The following CACNA2D4 variants were observed in gnomAD, a reference collection of about 807,000 sequenced individuals.
CACNA2D4 encodes calcium voltage-gated channel auxiliary subunit alpha2delta 4, also known as voltage-dependent calcium channel subunit alpha-2/delta-4.
Under a neutral mutation model 163.8 loss-of-function variants are expected in CACNA2D4, and 157 were observed. The ratio of observed to expected loss-of-function variants is 0.96; its 90% CI spans 0.84 to 1.09. The LOEUF is 1.09. CACNA2D4 is among the 50% of genes least tolerant of loss of function. The pLI is 0.00. For synonymous variants in CACNA2D4, 598 were observed against 586.9 expected (o/e 1.02, Z -0.27); for missense variants, 1,410 against 1,479.9 (o/e 0.95, Z 0.78).
chr12:1,823,437 A>G (rs1212457531), intron 26 of CACNA2D4, among the ~76,000 whole-genome samples: 3 of 151,988 alleles, frequency 2.0e-5, no homozygotes, highest in Non-Finnish European at 4.4e-5. Context: ...CCGTGCTCTG[A>G]GGGGGCCGAG....
chr12:1,806,931 T>C lies in CACNA2D4; in HGVS notation c.2721+3347A>G, dbSNP rs920248014. ...TGTGGCCCTCGATGGCACTTGTGTG[T>C]TTGGGGAAGAGGGGCAGGTTTGGGT... On this transcript the variant is annotated intron_variant, in intron 29 of 37. Transcript: ENST00000382722. This position sits in a 1 kb window ranked among gnomAD's most constrained non-coding sequence, Gnocchi z 4.1. 6.6e-6 allele frequency among the ~76,000 whole-genome samples: 1 copy of C among 151,906 alleles called. No homozygotes were observed. Among genetic ancestry groups the C allele is most frequent in the Non-Finnish European group, 1.5e-5 (1 of 67,988 alleles).
At position 1,829,121 on chromosome 12, in the gene CACNA2D4, T is replaced by C. The variant is rs1428292829; in HGVS notation, c.2551+11618A>G. Among the ~76,000 whole-genome samples, 1 of 152,136 alleles carries C rather than the reference T, an allele frequency of 6.6e-6. No individual in the cohort carries two copies. Among genetic ancestry groups the C allele is most frequent in the African/African-American group, 2.4e-5 (1 of 41,418 alleles). On this transcript the variant is annotated intron_variant, in intron 26 of 37. Transcript: ENST00000382722. This position sits in a 1 kb window ranked among gnomAD's most constrained non-coding sequence, Gnocchi z 4.2. ...CAACACCTCGCAATACGGGCTTATG[T>C]TTTCTTGTCACTGGAGCTTTTATGC...
At chr12:1,811,784 G>A (rs570973566) in intron 26 of CACNA2D4, 61 bp from the exon 27 acceptor site, 2 of 1,504,784 alleles carry the variant, frequency 1.3e-6, no homozygotes, top group East Asian at 2.5e-5. Context: ...AAAAAATAGA[G>A]TCAAGTTAAA....
intron 6 of CACNA2D4, among the ~76,000 whole-genome samples, chr12:1,904,842 A>C (rs1258861270): frequency 6.6e-6 from 1 of 152,124 alleles, no homozygotes; most frequent in Non-Finnish European, 1.5e-5. Flanking sequence ...TGATGGACAA[A>C]AAAGCTTAAG....
intron 26 of CACNA2D4, among the ~76,000 whole-genome samples, chr12:1,813,333 G>A (rs1343374415): frequency 6.6e-6 from 1 of 152,054 alleles, no homozygotes; most frequent in Non-Finnish European, 1.5e-5. Context: ...GTTCCCAGGG[G>A]TTGCCGATGC....
intron 26 of CACNA2D4, chr12:1,827,998 C>T (rs905635501): frequency 1.6e-5 from 9 of 555,022 alleles, no homozygotes; most frequent in Admixed American, 3.7e-5. Context: ...TAAAGAGACA[C>T]CCGGGCCCTC....
intron 6 of CACNA2D4, among the ~76,000 whole-genome samples, chr12:1,904,099 T>C (rs1866600083): frequency 6.6e-6 from 1 of 152,100 alleles, no homozygotes; most frequent in South Asian, 2.1e-4. Context: ...GAGGCCACTA[T>C]GTTAAGTGAA....
rs1866141380 is a variant in CACNA2D4 at position 1,886,242 on chromosome 12, T to C, written c.974A>G (p.Asp325Gly). ...TTILDTLGEN[D>G]FINIIAYNDY... ...ATTTACCGCTATGATATTAATGAAG[T>C]CATTCTCCCCCAGGGTGTCCAAGAT... The change falls in exon 8 of 38, where the codon GAC becomes GGC. Residue 325 changes from aspartate to glycine, a missense_variant. By Grantham distance (94) the Asp-to-Gly change is moderately conservative. Transcript: ENST00000382722. 1 of 1,613,316 alleles carries C rather than the reference T, an allele frequency of 6.2e-7. No individual in the cohort carries two copies. The highest frequency in any genetic ancestry group is 1.1e-5 in the South Asian group (1 of 91,056).
chr12:1,911,989 G>C (rs542984068), intron 3 of CACNA2D4, among the ~76,000 whole-genome samples: 1 of 152,332 alleles, frequency 6.6e-6, no homozygotes, highest in South Asian at 2.1e-4. Flanking sequence ...CTGATGCTAA[G>C]ATCCCTTGCC....
In CACNA2D4 at chr12:1,829,242, C is replaced by A. The variant is rs544113805; in HGVS notation, c.2551+11497G>T. On this transcript the variant is annotated intron_variant, in intron 26 of 37. Transcript: ENST00000382722. This position sits in a 1 kb window ranked among gnomAD's most constrained non-coding sequence, Gnocchi z 4.2. ...CAGGCCCTTCTCTGGGAGGGGCGAG[C>A]GGCTTCTGGTGATGCAGATCCTTTT... 1.3e-5 allele frequency among the ~76,000 whole-genome samples: 2 copies of A among 152,194 alleles called. No individual in the cohort carries two copies. The highest frequency in any genetic ancestry group is 2.9e-5 in the Non-Finnish European group (2 of 68,038).
chr12:1,833,816 G>A lies in CACNA2D4; in HGVS notation c.2551+6923C>T, dbSNP rs994815818. ...AAGGATAAGATGCTGTGTTGAGAAC[G>A]GTATCCTGGGCTCACAGACAGGTGA... On this transcript the variant is annotated intron_variant, in intron 26 of 37. Coordinates refer to ENST00000382722, the MANE Select transcript of CACNA2D4 (RefSeq NM_172364.5). The surrounding 1 kb of genome is among the most constrained non-coding windows in gnomAD (Gnocchi z 4.2). 6.6e-6 allele frequency among the ~76,000 whole-genome samples: 1 copy of A among 152,128 alleles called. No individual in the cohort carries two copies. Among genetic ancestry groups the A allele is most frequent in the Non-Finnish European group, 1.5e-5 (1 of 68,022 alleles).
chr12:1,866,509 T>C (rs1865654041), intron 18 of CACNA2D4, among the ~76,000 whole-genome samples: 1 of 152,246 alleles, frequency 6.6e-6, no homozygotes, highest in African/African-American at 2.4e-5. Context: ...TTCTGTCCTG[T>C]AGACCTGCAG....
chr12:1,863,238 T>G (rs147540256), intron 18 of CACNA2D4, among the ~76,000 whole-genome samples: 12 of 152,324 alleles, frequency 7.9e-5, no homozygotes, highest in African/African-American at 2.9e-4. Flanking sequence ...CAATTGATAA[T>G]ATATGTGTGG....
Position 1,909,910 on chromosome 12 carries a change from A to C in CACNA2D4, c.482T>G (p.Leu161Arg). 1 of 1,613,610 alleles carries C rather than the reference A, an allele frequency of 6.2e-7. No individual in the cohort carries two copies. The highest frequency in any genetic ancestry group is 8.5e-7 in the Non-Finnish European group (1 of 1,179,656). The change falls in exon 4 of 38, where the codon CTG (leucine) becomes CGG (arginine). Residue 161 changes from leucine to arginine, a missense_variant. By Grantham distance (102) the Leu-to-Arg change is moderately radical. Transcript: ENST00000382722. Reference sequence around the variant, plus strand: ...AGTGCCAGGAGTGGGACTCACCACCAGGGATTCATTGAATTCGTGGTTCAG... The same window carrying C: ...AGTGCCAGGAGTGGGACTCACCACCCGGGATTCATTGAATTCGTGGTTCAG... ...ADLNHEFNES[L>R]VFDYYNSVLI...
rs1382769971 is a variant in CACNA2D4, at chr12:1,914,858, T to G, written c.305A>C (p.Gln102Pro). Residue 102 changes from glutamine to proline, a missense_variant, in exon 2 of 38, where the codon CAG becomes CCG. By Grantham distance (76) the Gln-to-Pro change is moderately conservative (BLOSUM62 -1). Coordinates refer to ENST00000382722, the MANE Select transcript of CACNA2D4 (RefSeq NM_172364.5). ...CTCTGGAAGGGGGTGACTGACCTTCTGCAGCAAGAGAGAGCCTGAGTATTT... is the reference window on the plus strand; with the variant it reads ...CTCTGGAAGGGGGTGACTGACCTTCGGCAGCAAGAGAGAGCCTGAGTATTT... ...VTKYSGSLLL[Q>P]KKYKDVESSL... 1 of 1,612,664 alleles carries G rather than the reference T, an allele frequency of 6.2e-7. No homozygotes were observed. Among genetic ancestry groups the G allele is most frequent in the Non-Finnish European group, 8.5e-7 (1 of 1,178,688 alleles).
At chr12:1,913,234 A>C (rs990257837) in intron 2 of CACNA2D4, 95 bp from the exon 3 acceptor site, 11 of 836,894 alleles carry the variant, frequency 1.3e-5, no homozygotes, top group Non-Finnish European at 2.2e-5. Context: ...CCACAGATGC[A>C]TTCCGGCACA....
At position 1,797,514 on chromosome 12, in the gene CACNA2D4, T is replaced by C. The variant is rs1467085780; in HGVS notation, c.3017A>G (p.Asp1006Gly). The C allele has an allele frequency of 6.4e-7, 1 of 1,573,914 alleles. No homozygotes were observed. Among genetic ancestry groups the C allele is most frequent in the African/African-American group, 1.3e-5 (1 of 74,136 alleles). ...FHHSHKHKKQ[D>G]PLQPCDTEYP... ...CTCCGTGTCGCAGGGCTGCAGCGGG[T>C]CCTGCTTCTTGTGTTTGTGGGCTGC... is the stretch of plus-strand genomic sequence containing the variant. The change falls in exon 35 of 38, where the codon GAC (aspartate) becomes GGC (glycine). Residue 1006 changes from aspartate to glycine, a missense_variant. Asp to Gly is a moderately conservative substitution (Grantham distance 94). Coordinates refer to ENST00000382722, the MANE Select transcript of CACNA2D4 (RefSeq NM_172364.5).
intron 26 of CACNA2D4, among the ~76,000 whole-genome samples, chr12:1,814,872 C>T (rs982947889): frequency 1.3e-5 from 2 of 152,160 alleles, no homozygotes; most frequent in South Asian, 2.1e-4. Flanking sequence ...CCTCTAATGT[C>T]GTCCCATTGC....
In CACNA2D4 at chr12:1,874,921, G is replaced by T. The variant is rs190844610; in HGVS notation, c.1807-246C>A. Reference sequence around the variant, plus strand: ...GCATTGGGGTACAGAGTGCCAAGTTGCTGGGACATAATTTCCTCTAGGACG... The same window carrying T: ...GCATTGGGGTACAGAGTGCCAAGTTTCTGGGACATAATTTCCTCTAGGACG... On this transcript the variant is annotated intron_variant, in intron 17 of 37. Transcript: ENST00000382722. This position sits in a 1 kb window ranked among gnomAD's most constrained non-coding sequence, Gnocchi z 4.4. Among the ~76,000 whole-genome samples, 51 of 152,286 alleles carry T rather than the reference G, an allele frequency of 3.3e-4. No individual in the cohort carries two copies. Among genetic ancestry groups the T allele is most frequent in the South Asian group, 6.2e-4 (3 of 4,820 alleles).
Sources: allele counts gnomAD v4.1 joint callset (sites outside exome capture counted in the v4.1 genomes callset), GRCh38; gene constraint gnomAD v4.1.1; non-coding constraint Gnocchi (gnomAD v3.1); transcripts MANE v1.5; gene names NCBI Gene and HGNC (gene_info 2026-07-23, HGNC 2026-07-21).